The following NEDD4L variants were observed in gnomAD, a reference collection of about 807,000 sequenced individuals.
The protein encoded by NEDD4L is E3 ubiquitin-protein ligase NEDD4-like.
Under a neutral mutation model 148.9 loss-of-function variants are expected in NEDD4L, and 54 were observed. The observed-to-expected ratio is 0.36, with a 90% CI of 0.29 to 0.45. NEDD4L has a LOEUF of 0.45. Among genes scored for constraint, NEDD4L ranks in the 20% least tolerant of loss-of-function variants. NEDD4L has a pLI of 1.00. For missense variants in NEDD4L, 856 were observed against 1,233.8 expected, an observed-to-expected ratio of 0.69 and a Z score of 4.59; for synonymous variants, 433 against 440.7, an observed-to-expected ratio of 0.98 and a Z score of 0.22.
intron 5 of NEDD4L, among the ~76,000 whole-genome samples, chr18:58,293,392 T>G (rs1242768085): frequency 6.6e-6 from 1 of 152,198 alleles, no homozygotes; most frequent in Non-Finnish European, 1.5e-5. Context: ...CAAATTATCT[T>G]CTGGAATAGT....
chr18:58,257,847 A>G (rs1442450437), intron 5 of NEDD4L, among the ~76,000 whole-genome samples: 1 of 152,088 alleles, frequency 6.6e-6, no homozygotes, highest in Non-Finnish European at 1.5e-5. Flanking sequence ...TGAATTGGAT[A>G]TTTTTTCTCC....
At position 58,080,752 on chromosome 18, in the gene NEDD4L, G is replaced by T. The variant is rs148830162; in HGVS notation, c.48+36044G>T. 7.2e-4 allele frequency among the ~76,000 whole-genome samples: 109 copies of T among 152,300 alleles called. 1 individual carries two copies. Among genetic ancestry groups the T allele is most frequent in the Admixed American group, 3.7e-3 (56 of 15,296 alleles). ...GCAAGCAAGAAAAAGACAAAAGAAA[G>T]CCATCATTTAGTAACTGGTGGAGTG... On this transcript the variant is annotated intron_variant, in intron 1 of 30. Transcript: ENST00000400345.
chr18:58,097,055 T>C (rs2084457640), intron 1 of NEDD4L, among the ~76,000 whole-genome samples: 1 of 152,140 alleles, frequency 6.6e-6, no homozygotes, highest in Non-Finnish European at 1.5e-5. Context: ...CACATCAAAC[T>C]GTGGCATTGC....
rs538820570 is a variant in NEDD4L at position 58,318,802 on chromosome 18, C to T, written c.348+2770C>T. Among the ~76,000 whole-genome samples the T allele has an allele frequency of 2.3e-4, 35 of 152,338 alleles. No homozygotes were observed. In the South Asian group the frequency reaches 2.7e-3, roughly 12 times the overall value. On this transcript the variant is annotated intron_variant, in intron 6 of 30. Transcript: ENST00000400345. Reference sequence around the variant, plus strand: ...CTTCCTCTTGACTTGTCAGCTCTGTCTCCCCTTCCCCTGGAGCCCTCAGTA... The same window carrying T: ...CTTCCTCTTGACTTGTCAGCTCTGTTTCCCCTTCCCCTGGAGCCCTCAGTA...
Position 58,400,569 on chromosome 18 carries a change from C to G in NEDD4L, c.*4300C>G, listed in dbSNP as rs1340375173. 1 of 152,212 alleles carries G rather than the reference C, an allele frequency of 6.6e-6. No homozygotes were observed. The highest frequency in any genetic ancestry group is 1.5e-5 in the Non-Finnish European group (1 of 68,042). 9.4% of individuals were successfully genotyped at this position (152,212 alleles called of 1,614,324 possible). A position where few individuals can be genotyped will look rare whatever the true frequency, so the allele number is the denominator to read the frequency against. ...TCCTGTTGGCATGAAATTTTCCAAG[C>G]AAACCTCATTAAACATCTGTTGTTT... On this transcript the variant is annotated 3_prime_UTR_variant, in exon 31 of 31. Coordinates refer to ENST00000400345, the MANE Select transcript of NEDD4L (RefSeq NM_001144967.3).
chr18:58,079,608 T>C (rs1349946848), intron 1 of NEDD4L, among the ~76,000 whole-genome samples: 2 of 152,212 alleles, frequency 1.3e-5, no homozygotes, highest in Non-Finnish European at 2.9e-5. Context: ...CCCTCTGGGC[T>C]CCGATCACTT....
chr18:58,303,268 A>G (rs1304045326), intron 5 of NEDD4L, among the ~76,000 whole-genome samples: 1 of 152,174 alleles, frequency 6.6e-6, no homozygotes, highest in Non-Finnish European at 1.5e-5. Flanking sequence ...GGTGCCTAGG[A>G]TGCTCATTCT....
chr18:58,089,126 A>ATTTTTTTTTTTTTTTTTTTTTTTTTTT (rs570623396), intron 1 of NEDD4L, among the ~76,000 whole-genome samples: 2 of 100,982 alleles, frequency 2.0e-5, no homozygotes, highest in African/African-American at 4.0e-5. Context: ...TTATTTCATA[A>ATTTTTTTTTTTTTTTTTTTTTTTTTTT]TTTTTTTTTT....
chr18:58,358,273 T>C (rs1411261976), intron 19 of NEDD4L, among the ~76,000 whole-genome samples: 2 of 152,204 alleles, frequency 1.3e-5, no homozygotes, highest in Non-Finnish European at 2.9e-5. Context: ...GTCATTTGGG[T>C]ACTATTTCCT....
At chr18:58,307,202 G>T (rs769965938) in intron 5 of NEDD4L, among the ~76,000 whole-genome samples, 2 of 152,280 alleles carry the variant, frequency 1.3e-5, no homozygotes, top group East Asian at 3.9e-4. Flanking sequence ...CTGGGGTGGA[G>T]CCTTGGGAAG....
At chr18:58,249,997 AC>A (rs2047702776) in intron 4 of NEDD4L, among the ~76,000 whole-genome samples, 1 of 152,318 alleles carries the variant, frequency 6.6e-6, no homozygotes, top group African/African-American at 2.4e-5. Context: ...CCACTTGTGA[AC>A]CTCCAAAGTG....
intron 5 of NEDD4L, among the ~76,000 whole-genome samples, chr18:58,273,640 T>C (rs2051406322): frequency 6.6e-6 from 1 of 152,216 alleles, no homozygotes; most frequent in Admixed American, 6.5e-5. Context: ...CATAAATAAC[T>C]GTGTTCATTA....
chr18:58,393,575 G>A (rs965466958), intron 30 of NEDD4L, among the ~76,000 whole-genome samples: 13 of 152,166 alleles, frequency 8.5e-5, no homozygotes, highest in African/African-American at 2.2e-4. Context: ...AACTTGACCC[G>A]GATGGAGAGG....
intron 1 of NEDD4L, among the ~76,000 whole-genome samples, chr18:58,110,122 G>GGT (rs1378053790): frequency 1.3e-5 from 2 of 152,188 alleles, no homozygotes; most frequent in Non-Finnish European, 2.9e-5. Flanking sequence ...CATCAAGATG[G>GGT]GTGTGTCTGG....
At chr18:58,054,119 G>T (rs191076964) in intron 1 of NEDD4L, among the ~76,000 whole-genome samples, 1 of 152,168 alleles carries the variant, frequency 6.6e-6, no homozygotes, top group African/African-American at 2.4e-5. Context: ...AAGTTACTTT[G>T]GTTTTTCAGA....
intron 29 of NEDD4L, 128 bp downstream of exon 29, chr18:58,390,870 G>T: frequency 1.4e-6 from 1 of 699,890 alleles, no homozygotes. Flanking sequence ...GCCATGCATA[G>T]GTTCCATGAA....
intron 1 of NEDD4L, among the ~76,000 whole-genome samples, chr18:58,098,005 C>A (rs374445168): frequency 1.3e-5 from 2 of 152,068 alleles, no homozygotes; most frequent in Non-Finnish European, 2.9e-5. Context: ...CTGCAGCCTG[C>A]GCGACAGAGT....
At chr18:58,121,312 G>C (rs1035358906) in intron 1 of NEDD4L, among the ~76,000 whole-genome samples, 1 of 152,138 alleles carries the variant, frequency 6.6e-6, no homozygotes, top group Admixed American at 6.5e-5. Flanking sequence ...TTTTCCTCAG[G>C]AACTACCTAC....
chr18:58,383,449 G>T (rs141991732), intron 25 of NEDD4L, 130 bp downstream of exon 25: 2 of 611,052 alleles, frequency 3.3e-6, no homozygotes, highest in Non-Finnish European at 5.8e-6. Context: ...AACAAGGTAA[G>T]TTCTTTTCTG....
Sources: allele counts gnomAD v4.1 joint callset (sites outside exome capture counted in the v4.1 genomes callset), GRCh38; gene constraint gnomAD v4.1.1; transcripts MANE v1.5; gene names NCBI Gene and HGNC (gene_info 2026-07-23, HGNC 2026-07-21).